Variants in MYO3B observed in about 807,000 individuals in gnomAD.
MYO3B encodes myosin-IIIb.
Under a neutral mutation model 174.6 loss-of-function variants are expected in MYO3B, and 156 were observed. The ratio of observed to expected loss-of-function variants is 0.89; its 90% CI spans 0.78 to 1.02. The LOEUF (loss-of-function observed/expected upper bound fraction) is 1.02. Among genes scored for constraint, MYO3B ranks in the 50% least tolerant of loss-of-function variants. The pLI, the probability that MYO3B is intolerant of heterozygous loss-of-function variation, is 0.00. For missense variants in MYO3B, 1,632 were observed against 1,639.4 expected (o/e 1.00, Z 0.08); for synonymous variants, 563 against 569.1 (o/e 0.99, Z 0.15).
chr2:170,495,226 T>TG (rs1249596383), intron 25 of MYO3B, among the ~76,000 whole-genome samples: 1 of 152,254 alleles, frequency 6.6e-6, no homozygotes, highest in Non-Finnish European at 1.5e-5. Context: ...CCCTTCCTGA[T>TG]GGACCTCTTG....
intron 7 of MYO3B, among the ~76,000 whole-genome samples, chr2:170,250,147 G>A (rs2093235541): frequency 6.6e-6 from 1 of 152,158 alleles, no homozygotes; most frequent in African/African-American, 2.4e-5. Flanking sequence ...GAAGTTATTA[G>A]CATGACACCA....
At chr2:170,486,984 C>T (rs1461894378) in intron 25 of MYO3B, among the ~76,000 whole-genome samples, 2 of 152,180 alleles carry the variant, frequency 1.3e-5, no homozygotes, top group Non-Finnish European at 2.9e-5. Context: ...CTTTAGTACT[C>T]AATATCACTG....
chr2:170,318,819 A>G (rs569812941), intron 7 of MYO3B, among the ~76,000 whole-genome samples: 3 of 119,440 alleles, frequency 2.5e-5, no homozygotes, highest in Non-Finnish European at 4.0e-5. Flanking sequence ...GATGAGGCCA[A>G]AAAAATCTGT....
At chr2:170,521,190 G>T (rs1688649172) in intron 30 of MYO3B, among the ~76,000 whole-genome samples, 1 of 152,068 alleles carries the variant, frequency 6.6e-6, no homozygotes. Context: ...TCCCCCAGTG[G>T]TCTCAAATTG....
At chr2:170,522,380 C>G (rs1201026148) in intron 30 of MYO3B, among the ~76,000 whole-genome samples, 1 of 152,216 alleles carries the variant, frequency 6.6e-6, no homozygotes, top group Non-Finnish European at 1.5e-5. Flanking sequence ...GCCTTCAAAC[C>G]TGGCACAGTC....
chr2:170,595,830 T>A (rs1191509496), intron 32 of MYO3B, among the ~76,000 whole-genome samples: 1 of 151,530 alleles, frequency 6.6e-6, no homozygotes, highest in Non-Finnish European at 1.5e-5. Context: ...CTTCTCACTG[T>A]TATTCCAACC....
intron 1 of MYO3B, among the ~76,000 whole-genome samples, chr2:170,179,227 A>G (rs1266065698): frequency 6.6e-6 from 1 of 152,240 alleles, no homozygotes; most frequent in East Asian, 1.9e-4. Flanking sequence ...ATTTAAAGAA[A>G]GGAAAAGAGT....
chr2:170,497,073 G>A (rs577911426), intron 25 of MYO3B, among the ~76,000 whole-genome samples: 29 of 152,270 alleles, frequency 1.9e-4, no homozygotes, highest in African/African-American at 7.0e-4. Context: ...GCAGAGGTAG[G>A]AAGGTCACTC....
At chr2:170,634,627 A>G (rs1697306724) in intron 32 of MYO3B, among the ~76,000 whole-genome samples, 1 of 152,244 alleles carries the variant, frequency 6.6e-6, no homozygotes, top group African/African-American at 2.4e-5. Context: ...ATGGGATCTA[A>G]TTAAACTAAA....
intron 8 of MYO3B, 97 bp downstream of exon 8, chr2:170,335,547 G>T: frequency 1.1e-6 from 1 of 883,694 alleles, no homozygotes; most frequent in Non-Finnish European, 1.8e-6. Flanking sequence ...ACTAGAGGTT[G>T]TTATGCCTGT....
chr2:170,601,892 T>C, intron 32 of MYO3B: 1 of 849,964 alleles, frequency 1.2e-6, no homozygotes, highest in East Asian at 2.4e-5. Flanking sequence ...TCTCCTTTGA[T>C]TTTTGGGCAA....
Position 170,402,949 on chromosome 2 carries a change from AGC to A in MYO3B, c.2232_2233del (p.Gln745AsnfsTer13). On this transcript the variant is annotated frameshift_variant, in exon 19 of 35. Transcript: ENST00000408978. LOFTEE classifies it high-confidence loss of function. The stretch of plus-strand genomic sequence containing the variant: ...CAGCTCTGCATAAACATCGCCAATG[AGC>A]AAATCCAGTACTATTTCAATCAGCA... 1 of 1,610,658 alleles carries A rather than the reference AGC, an allele frequency of 6.2e-7. No individual in the cohort carries two copies. The highest frequency in any genetic ancestry group is 8.5e-7 in the Non-Finnish European group (1 of 1,177,332).
intron 1 of MYO3B, among the ~76,000 whole-genome samples, chr2:170,183,243 C>T (rs1199918017): frequency 1.3e-5 from 2 of 151,308 alleles, no homozygotes; most frequent in Admixed American, 6.6e-5. Flanking sequence ...GGCCACAGAG[C>T]AAGACTCTGT....
At chr2:170,223,275 A>G (rs1574608615) in intron 6 of MYO3B, among the ~76,000 whole-genome samples, 3 of 152,094 alleles carry the variant, frequency 2.0e-5, no homozygotes, top group African/African-American at 7.2e-5. Flanking sequence ...CACAAAAACA[A>G]CACAGTCTTC....
intron 7 of MYO3B, among the ~76,000 whole-genome samples, chr2:170,317,047 T>C (rs774810092): frequency 1.3e-5 from 2 of 152,208 alleles, no homozygotes; most frequent in Non-Finnish European, 2.9e-5. Context: ...GCTATACTCA[T>C]CTTTGTATAA....
chr2:170,340,311 T>C (rs1179272030), intron 8 of MYO3B: 2 of 152,224 alleles, frequency 1.3e-5, no homozygotes, highest in Non-Finnish European at 2.9e-5. Context: ...GGATTTCTCT[T>C]GGTCAAGGGC....
In MYO3B at chr2:170,594,290, G is replaced by C. The variant is rs559797936; in HGVS notation, c.3733+50302G>C. ...CACCGCCATGGCCAAGTAGAGGAAG[G>C]CTGTACGAAGTTAAAAAAAAGTATC... On this transcript the variant is annotated intron_variant, in intron 32 of 34. Coordinates refer to ENST00000408978, the MANE Select transcript of MYO3B (RefSeq NM_138995.5). Among the ~76,000 whole-genome samples, 89 of 152,138 alleles carry C rather than the reference G, an allele frequency of 5.8e-4. No homozygotes were observed. In the South Asian group the frequency reaches 0.018, roughly 31 times the overall value.
intron 7 of MYO3B, among the ~76,000 whole-genome samples, chr2:170,315,100 T>C (rs12997757): frequency 0.48 from 72,433 of 152,074 alleles, 18,527 homozygotes; most frequent in East Asian, 0.67. Context: ...ATTCTGTTGG[T>C]TTATGATTCT....
chr2:170,536,508 G>A (rs1245052134), intron 30 of MYO3B, among the ~76,000 whole-genome samples: 1 of 152,162 alleles, frequency 6.6e-6, no homozygotes, highest in African/African-American at 2.4e-5. Context: ...AATACAAAAG[G>A]TGTGAAGTTT....
Sources: allele counts gnomAD v4.1 joint callset (sites outside exome capture counted in the v4.1 genomes callset), GRCh38; gene constraint gnomAD v4.1.1; transcripts MANE v1.5; gene names NCBI Gene and HGNC (gene_info 2026-07-23, HGNC 2026-07-21).